PPP6R3: variants seen among roughly 807,000 people sequenced by gnomAD.
PPP6R3 encodes the protein serine/threonine-protein phosphatase 6 regulatory subunit 3.
Under a neutral mutation model 110.7 loss-of-function variants are expected in PPP6R3, and 38 were observed. The observed-to-expected ratio is 0.34, with a 90% CI of 0.26 to 0.45. The LOEUF is 0.45. Among genes scored for constraint, PPP6R3 ranks in the 20% least tolerant of loss-of-function variants. The pLI, the probability that PPP6R3 is intolerant of heterozygous loss-of-function variation, is 1.00. For synonymous variants in PPP6R3, 369 were observed against 373.5 expected (o/e 0.99, Z 0.14); for missense variants, 870 against 1,062.4 (o/e 0.82, Z 2.52).
intron 2 of PPP6R3, chr11:68,522,559 TGGGATAGGGCAAACC>T (rs2099169185): frequency 6.6e-6 from 1 of 152,244 alleles, no homozygotes; most frequent in Admixed American, 6.5e-5. Context: ...CAAGCTGCTG[TGGGATAGGGCAAACC>T]GGGATGGTTA....
chr11:68,540,580 T>C (rs1182918193), intron 3 of PPP6R3, among the ~76,000 whole-genome samples: 1 of 152,202 alleles, frequency 6.6e-6, no homozygotes, highest in Non-Finnish European at 1.5e-5. Context: ...TCAACCCGTC[T>C]GACCAAAATT....
rs752692449 is a variant in PPP6R3, at chr11:68,521,067, C to G, written c.-7+1416C>G. ...TATTACAGGCGTGAGCCACCGCGTC[C>G]GGCCTCACAGAGTTTTATTATTGTT... On this transcript the variant is annotated intron_variant, in intron 2 of 23. Transcript: ENST00000393800. Among the ~76,000 whole-genome samples, 3 of 152,144 alleles carry G rather than the reference C, an allele frequency of 2.0e-5. No individual in the cohort carries two copies. In the East Asian group the frequency reaches 5.8e-4, roughly 29 times the overall value.
At chr11:68,470,426 G>C (rs1388078734) in intron 1 of PPP6R3, among the ~76,000 whole-genome samples, 1 of 152,150 alleles carries the variant, frequency 6.6e-6, no homozygotes, top group Non-Finnish European at 1.5e-5. Context: ...TGTGGCTGGA[G>C]TGAGGAGCCT....
chr11:68,566,712 T>C (rs1038100710), intron 9 of PPP6R3, among the ~76,000 whole-genome samples: 2 of 152,192 alleles, frequency 1.3e-5, no homozygotes, highest in Non-Finnish European at 2.9e-5. Flanking sequence ...ATTGTACTTT[T>C]TCCTAGGATA....
chr11:68,504,650 A>G (rs960707704), intron 1 of PPP6R3, among the ~76,000 whole-genome samples: 4 of 152,196 alleles, frequency 2.6e-5, no homozygotes, highest in African/African-American at 9.6e-5. Context: ...AGCTCCTGGT[A>G]CAATTTGAGA....
At chr11:68,521,748 C>T (rs2099165242) in intron 2 of PPP6R3, among the ~76,000 whole-genome samples, 1 of 152,178 alleles carries the variant, frequency 6.6e-6, no homozygotes, top group Admixed American at 6.5e-5. Context: ...CCAAGAGACA[C>T]AACAATTTTT....
At chr11:68,491,016 T>C (rs1278465189) in intron 1 of PPP6R3, among the ~76,000 whole-genome samples, 1 of 152,040 alleles carries the variant, frequency 6.6e-6, no homozygotes, top group Non-Finnish European at 1.5e-5. Flanking sequence ...TGAAACCCCA[T>C]CTCTACAAAA....
intron 2 of PPP6R3, among the ~76,000 whole-genome samples, chr11:68,521,358 G>A (rs2099163424): frequency 6.6e-6 from 1 of 152,172 alleles, no homozygotes. Flanking sequence ...AATGTCAGAG[G>A]CATTTCTCAG....
rs117121003 is a variant in PPP6R3, at chr11:68,530,666, G to A, written c.-6-6993G>A. Reference sequence around the variant, plus strand: ...ATGGGTGTGTGACCTGTGCAGTCTCGCATGCTCAGAAACACTTGGATTAAT... The same window carrying A: ...ATGGGTGTGTGACCTGTGCAGTCTCACATGCTCAGAAACACTTGGATTAAT... On this transcript the variant is annotated intron_variant, in intron 2 of 23. Transcript: ENST00000393800. 2.5e-3 allele frequency among the ~76,000 whole-genome samples: 374 copies of A among 152,236 alleles called. 11 individuals carry two copies. In the East Asian group the frequency reaches 0.059, roughly 24 times the overall value.
At chr11:68,585,494 G>C (rs1039905108) in intron 15 of PPP6R3, among the ~76,000 whole-genome samples, 3 of 152,212 alleles carry the variant, frequency 2.0e-5, no homozygotes, top group African/African-American at 7.2e-5. Flanking sequence ...CTAGGAAAGT[G>C]TGCTTTTTAA....
intron 2 of PPP6R3, among the ~76,000 whole-genome samples, chr11:68,534,374 A>G (rs2099258327): frequency 6.6e-6 from 1 of 152,186 alleles, no homozygotes; most frequent in South Asian, 2.1e-4. Context: ...TTTTCTTAAA[A>G]CAACCCTTAA....
intron 1 of PPP6R3, among the ~76,000 whole-genome samples, chr11:68,492,748 C>G (rs973052306): frequency 6.6e-6 from 1 of 152,216 alleles, no homozygotes; most frequent in Non-Finnish European, 1.5e-5. Flanking sequence ...GAGGGTTCCA[C>G]TTTGCCCACA....
intron 1 of PPP6R3, among the ~76,000 whole-genome samples, chr11:68,516,744 A>G (rs899018378): frequency 3.9e-5 from 6 of 152,126 alleles, no homozygotes; most frequent in Non-Finnish European, 7.3e-5. Flanking sequence ...TAGTAATTCT[A>G]TTTTTAATTT....
chr11:68,511,232 A>G (rs67101048), intron 1 of PPP6R3, among the ~76,000 whole-genome samples: 34,952 of 151,144 alleles, frequency 0.23, 4,283 homozygotes, highest in Middle Eastern at 0.33. Flanking sequence ...ACGTCCGGCT[A>G]ATTTTTGTAT....
chr11:68,510,490 A>G (rs915387566), intron 1 of PPP6R3, among the ~76,000 whole-genome samples: 2 of 151,998 alleles, frequency 1.3e-5, no homozygotes, highest in Non-Finnish European at 2.9e-5. Flanking sequence ...GTGTGCTACC[A>G]TGCTTGGCTG....
At chr11:68,463,321 T>A (rs900461940) in intron 1 of PPP6R3, among the ~76,000 whole-genome samples, 11 of 125,512 alleles carry the variant, frequency 8.8e-5, no homozygotes, top group Non-Finnish European at 1.1e-4. Context: ...GTGAGCCAAG[T>A]CCAGCCTAGG....
intron 1 of PPP6R3, among the ~76,000 whole-genome samples, chr11:68,518,404 G>GA (rs990875844): frequency 6.6e-5 from 10 of 152,150 alleles, no homozygotes; most frequent in African/African-American, 9.6e-5. Context: ...GAAATGAATG[G>GA]AAAAAAACGT....
intron 10 of PPP6R3, among the ~76,000 whole-genome samples, chr11:68,569,126 A>G (rs1018702703): frequency 2.6e-5 from 4 of 152,170 alleles, no homozygotes; most frequent in Non-Finnish European, 5.9e-5. Flanking sequence ...GTTGCTTTGA[A>G]GAGAAAAAAG....
chr11:68,478,241 C>T (rs2098850841), intron 1 of PPP6R3, among the ~76,000 whole-genome samples: 1 of 151,334 alleles, frequency 6.6e-6, no homozygotes, highest in Non-Finnish European at 1.5e-5. Context: ...AGCTGCCGCG[C>T]CCGGCCCAGG....
Sources: allele counts gnomAD v4.1 joint callset (sites outside exome capture counted in the v4.1 genomes callset), GRCh38; gene constraint gnomAD v4.1.1; transcripts MANE v1.5; gene names NCBI Gene and HGNC (gene_info 2026-07-23, HGNC 2026-07-21).